Variants in WWOX observed in about 807,000 individuals in gnomAD.
The protein encoded by WWOX is WW domain containing oxidoreductase.
A neutral mutation model predicts 46.2 loss-of-function variants in WWOX; 69 were observed. That is an observed-to-expected ratio of 1.49 (90% CI 1.23 to 1.82). The LOEUF is 1.82. Ranked by LOEUF, WWOX falls within the 40% of genes most tolerant of loss-of-function variation. WWOX has a pLI of 0.00. For missense variants in WWOX, 919 were observed against 542.6 expected (o/e 1.69, Z -6.89); for synonymous variants, 359 against 202.6 (o/e 1.77, Z -6.56).
chr16:78,226,738 G>A (rs1276368599), intron 5 of WWOX, among the ~76,000 whole-genome samples: 4 of 152,030 alleles, frequency 2.6e-5, no homozygotes, highest in East Asian at 3.9e-4. Context: ...TGGCTATGCT[G>A]TGGTTCCTGC....
intron 4 of WWOX, among the ~76,000 whole-genome samples, chr16:78,121,478 G>A (rs1400072418): frequency 6.6e-6 from 1 of 152,094 alleles, no homozygotes; most frequent in East Asian, 1.9e-4. Context: ...GAAATCACGT[G>A]ATCAAAGTAT....
chr16:78,527,922 C>T (rs562956957), intron 8 of WWOX, among the ~76,000 whole-genome samples: 3 of 150,328 alleles, frequency 2.0e-5, no homozygotes, highest in East Asian at 2.0e-4. Context: ...TCAGCAGTGC[C>T]CAGGTTGGGA....
At chr16:79,111,598 T>C (rs1312750792) in intron 8 of WWOX, among the ~76,000 whole-genome samples, 2 of 151,896 alleles carry the variant, frequency 1.3e-5, no homozygotes, top group Non-Finnish European at 2.9e-5. Flanking sequence ...AGTTAAAAAA[T>C]AAAAATAGAA....
At chr16:78,718,414 T>A (rs1279148577) in intron 8 of WWOX, among the ~76,000 whole-genome samples, 1 of 152,226 alleles carries the variant, frequency 6.6e-6, no homozygotes, top group Non-Finnish European at 1.5e-5. Context: ...ATAAATTTAA[T>A]GTTTTTTTGC....
chr16:78,375,507 A>G (rs1246404851), intron 5 of WWOX, among the ~76,000 whole-genome samples: 1 of 152,248 alleles, frequency 6.6e-6, no homozygotes, highest in African/African-American at 2.4e-5. Context: ...TGCATCAGGT[A>G]TTAGAGACAC....
chr16:78,674,055 A>G (rs1477825989), intron 8 of WWOX, among the ~76,000 whole-genome samples: 1 of 152,162 alleles, frequency 6.6e-6, no homozygotes, highest in Non-Finnish European at 1.5e-5. Flanking sequence ...CTCGATGGGA[A>G]CCGACTCAAA....
At chr16:78,478,213 A>G (rs1172457347) in intron 8 of WWOX, among the ~76,000 whole-genome samples, 4 of 152,260 alleles carry the variant, frequency 2.6e-5, no homozygotes, top group Admixed American at 2.0e-4. Flanking sequence ...AAGTAGTAGC[A>G]TTTTTAGTAA....
At chr16:78,968,919 GA>G (rs11285228) in intron 8 of WWOX, among the ~76,000 whole-genome samples, 71,455 of 146,818 alleles carry the variant, frequency 0.49, 17,200 homozygotes, top group South Asian at 0.54. Flanking sequence ...GTTTCTTAAA[GA>G]AAAAAAAAAA....
intron 8 of WWOX, among the ~76,000 whole-genome samples, chr16:78,464,648 C>G (rs936809164): frequency 6.6e-6 from 1 of 152,142 alleles, no homozygotes; most frequent in African/African-American, 2.4e-5. Flanking sequence ...TTTTGCCCCT[C>G]TGTAAATCCA....
intron 8 of WWOX, among the ~76,000 whole-genome samples, chr16:78,841,155 C>A (rs1180497351): frequency 1.3e-5 from 2 of 152,170 alleles, no homozygotes; most frequent in Non-Finnish European, 2.9e-5. Context: ...TATACAGATA[C>A]ACAACGTGCA....
rs139433791 is a variant in WWOX at position 78,250,641 on chromosome 16, G to C, written c.516+86352G>C. 3.0e-4 allele frequency among the ~76,000 whole-genome samples: 45 copies of C among 152,200 alleles called. No homozygotes were observed. In the East Asian group the frequency reaches 4.6e-3, roughly 16 times the overall value. The stretch of plus-strand genomic sequence containing the variant: ...ACTCAGAGCCAACAGATAGACATGG[G>C]GTTTTATTAGGAGGTTACATATAGG... On this transcript the variant is annotated intron_variant, in intron 5 of 8. Coordinates refer to ENST00000566780, the MANE Select transcript of WWOX (RefSeq NM_016373.4).
chr16:79,165,469 G>A (rs553190825), intron 8 of WWOX, among the ~76,000 whole-genome samples: 6 of 152,106 alleles, frequency 3.9e-5, no homozygotes, highest in Non-Finnish European at 8.8e-5. Flanking sequence ...AAAAAAATAC[G>A]AAAAATAGAA....
Position 78,833,349 on chromosome 16 carries a change from A to G in WWOX, c.1057-378259A>G, listed in dbSNP as rs2051884643. ...AGCTCTTTCTTTATACCAGTCCTCA[A>G]CTTGCACTCTTTCCTGCATACAGCT... On this transcript the variant is annotated intron_variant, in intron 8 of 8. Transcript: ENST00000566780. 2.0e-5 allele frequency among the ~76,000 whole-genome samples: 3 copies of G among 151,398 alleles called. No homozygotes were observed. The South Asian group carries it at 6.3e-4, about 32-fold the overall frequency.
At chr16:78,385,857 A>G (rs1241767365) in intron 5 of WWOX, among the ~76,000 whole-genome samples, 1 of 152,196 alleles carries the variant, frequency 6.6e-6, no homozygotes, top group African/African-American at 2.4e-5. Context: ...TGTCCTTTCA[A>G]GGAGCTAGGT....
intron 5 of WWOX, among the ~76,000 whole-genome samples, chr16:78,214,206 C>G (rs999946200): frequency 3.3e-5 from 5 of 152,170 alleles, no homozygotes; most frequent in African/African-American, 7.2e-5. Flanking sequence ...CTTTGTCACC[C>G]AAAGTCACCG....
intron 8 of WWOX, among the ~76,000 whole-genome samples, chr16:78,794,591 G>A: frequency 6.6e-6 from 1 of 152,176 alleles, no homozygotes; most frequent in Non-Finnish European, 1.5e-5. Flanking sequence ...GTTGCTGTGA[G>A]AATTAACTAA....
chr16:78,418,671 A>G (rs1027398493), intron 6 of WWOX, among the ~76,000 whole-genome samples: 1 of 152,192 alleles, frequency 6.6e-6, no homozygotes, highest in Non-Finnish European at 1.5e-5. Context: ...CAGTCAATAT[A>G]ATATAACATA....
chr16:78,745,044 C>A (rs2049316062), intron 8 of WWOX, among the ~76,000 whole-genome samples: 1 of 152,142 alleles, frequency 6.6e-6, no homozygotes, highest in Admixed American at 6.5e-5. Flanking sequence ...GCCAGTGACG[C>A]CTGCCACTGC....
chr16:78,499,778 C>T (rs541058233), intron 8 of WWOX, among the ~76,000 whole-genome samples: 24 of 152,310 alleles, frequency 1.6e-4, no homozygotes, highest in South Asian at 8.3e-4. Flanking sequence ...ATCCGTGGAA[C>T]GCATTTGTAA....
Sources: allele counts gnomAD v4.1 joint callset (sites outside exome capture counted in the v4.1 genomes callset), GRCh38; gene constraint gnomAD v4.1.1; transcripts MANE v1.5; gene names NCBI Gene and HGNC (gene_info 2026-07-23, HGNC 2026-07-21).